Variants in CAPN12 observed in about 807,000 individuals in gnomAD.
CAPN12 encodes calpain 12, also known as calpain-12.
Under a neutral mutation model 95.0 loss-of-function variants are expected in CAPN12, and 107 were observed. That is an observed-to-expected ratio of 1.13 (90% CI 0.96 to 1.32). The LOEUF (loss-of-function observed/expected upper bound fraction) is 1.32. Ranked by LOEUF, CAPN12 falls within the 40% of genes most tolerant of loss-of-function variation. The probability of loss-of-function intolerance (pLI) is 0.00; values close to 1 mark genes in which losing one functional copy is unlikely to be tolerated. For missense variants in CAPN12, 1,136 were observed against 997.8 expected, an observed-to-expected ratio of 1.14 and a Z score of -1.87; for synonymous variants, 505 against 415.5, an observed-to-expected ratio of 1.22 and a Z score of -2.62.
In CAPN12 at chr19:38,730,883, G is replaced by A. The variant is rs1171292116; in HGVS notation, c.2134-5C>T. 6 of 1,551,476 alleles carry A rather than the reference G, an allele frequency of 3.9e-6. No individual in the cohort carries two copies. The Admixed American group carries it at 1.2e-4, about 30-fold the overall frequency. Reference sequence around the variant, plus strand: ...GAAGGTGGCCACCTCCATCCACTAAGGAAGAGAAGGAAGACAGTGGCTTGA... The same window carrying A: ...GAAGGTGGCCACCTCCATCCACTAAAGAAGAGAAGGAAGACAGTGGCTTGA... On this transcript the variant is annotated splice_polypyrimidine_tract_variant and splice_region_variant and intron_variant, in intron 20 of 20. Transcript: ENST00000328867.
Position 38,743,969 on chromosome 19 carries a change from T to C in CAPN12, c.197A>G (p.Asp66Gly), listed in dbSNP as rs571320003. The change falls in exon 1 of 21, where the codon GAC becomes GGC. Residue 66 changes from aspartate (D) to glycine (G), a missense_variant. By Grantham distance (94) the Asp-to-Gly change is moderately conservative. Transcript: ENST00000328867. ...TTTCACGCCTTTGGCCTTCTCCGAG[T>C]CCGGCCCCAGCTGGTCATAGCCAAG... ...DALGYDQLGPDSEKAKGVKWM... is the reference protein window; with the variant it reads ...DALGYDQLGPGSEKAKGVKWM... 7 of 1,614,124 alleles carry C rather than the reference T, an allele frequency of 4.3e-6. No homozygotes were observed. Among genetic ancestry groups the C allele is most frequent in the South Asian group, 3.3e-5 (3 of 91,076 alleles).
In CAPN12 at chr19:38,736,160, G is replaced by T. The variant is rs1427680211; in HGVS notation, c.1533C>A (p.Asp511Glu). 1.3e-6 allele frequency: 2 copies of T among 1,514,054 alleles called. No individual in the cohort carries two copies. The highest frequency in any genetic ancestry group is 2.7e-5 in the East Asian group (1 of 37,086). 93.8% of individuals were successfully genotyped at this position (1,514,054 alleles called of 1,614,324 possible). Residue 511 changes from aspartate to glutamate, a missense_variant, in exon 12 of 21, where the codon GAC becomes GAA. Asp to Glu is a conservative substitution (Grantham distance 45). Transcript: ENST00000328867. Reference protein sequence around the residue: ...LVVPSTAHAGDEADFTLRVFS... With the variant: ...LVVPSTAHAGEEADFTLRVFS... ...AGACACGCAGAGTGAAGTCAGCCTC[G>T]TCGCCGGCGTGGGCGGTGCTCGGCA...
chr19:38,740,672 T>G (rs1970493170), intron 4 of CAPN12, among the ~76,000 whole-genome samples: 1 of 151,896 alleles, frequency 6.6e-6, no homozygotes, highest in Admixed American at 6.6e-5. Context: ...TGGTGGCACA[T>G]GCCTGTAATC....
chr19:38,733,730 CGTA>C lies in CAPN12; in HGVS notation c.1927_1929del (p.Tyr643del). On this transcript the variant is annotated inframe_deletion, in exon 18 of 21. Coordinates refer to ENST00000328867, the MANE Select transcript of CAPN12 (RefSeq NM_144691.4). ...GCTGCATTCAGTGCCAGCCTCAGCT[CGTA>C]GGAGTTCATGGTTCCAGAGGTGTCC... The C allele has an allele frequency of 6.2e-7, 1 of 1,613,636 alleles. No homozygotes were observed. The highest frequency in any genetic ancestry group is 1.7e-5 in the Admixed American group (1 of 60,016).
rs374291113 is a variant in CAPN12 at position 38,743,965 on chromosome 19, C to A, written c.201G>T (p.Ser67=). 94 of 1,614,098 alleles carry A rather than the reference C, an allele frequency of 5.8e-5. 1 individual carries two copies. Among genetic ancestry groups the A allele is most frequent in the South Asian group, 4.4e-4 (40 of 91,090 alleles). ...TCCATTTCACGCCTTTGGCCTTCTC[C>A]GAGTCCGGCCCCAGCTGGTCATAGC... ...ALGYDQLGPD[S]EKAKGVKWMR... The change falls in exon 1 of 21, where the codon TCG becomes TCT. Residue 67 remains serine (S), a synonymous_variant. Transcript: ENST00000328867.
In CAPN12 at chr19:38,744,372, C is replaced by G. The variant is rs1970763897; in HGVS notation, c.-207G>C. 1.7e-6 allele frequency: 1 copy of G among 601,742 alleles called. No individual in the cohort carries two copies. The highest frequency in any genetic ancestry group is 1.9e-5 in the African/African-American group (1 of 54,006). The allele number at this position is 601,742 out of a possible 1,614,324, so 37.3% of individuals were successfully genotyped here. On this transcript the variant is annotated 5_prime_UTR_variant, in exon 1 of 21. Coordinates refer to ENST00000328867, the MANE Select transcript of CAPN12 (RefSeq NM_144691.4). The stretch of plus-strand genomic sequence containing the variant: ...CAGGGCGTGGGGCCTTCAGTTGTGG[C>G]CAAGGTAGCAGCTTAATGGGCTTGG...
intron 15 of CAPN12, 134 bp downstream of exon 15, chr19:38,734,679 G>A (rs988715219): frequency 2.5e-6 from 2 of 790,156 alleles, no homozygotes; most frequent in Admixed American, 2.8e-5. Flanking sequence ...GGGAGATGCT[G>A]CCAGGCTGAG....
In CAPN12 at chr19:38,731,114, G is replaced by T; in HGVS notation, c.2067C>A (p.Cys689Ter). 1 of 1,611,392 alleles carries T rather than the reference G, an allele frequency of 6.2e-7. No individual in the cohort carries two copies. The highest frequency in any genetic ancestry group is 8.5e-7 in the Non-Finnish European group (1 of 1,179,192). The change falls in exon 19 of 21, where the codon TGC becomes TGA. Residue 689 changes from cysteine to a stop codon, truncating the protein, a stop_gained. Coordinates refer to ENST00000328867, the MANE Select transcript of CAPN12 (RefSeq NM_144691.4). LOFTEE classifies it high-confidence loss of function. The part of the protein sequence containing the change: ...RFVSCVAHLT[C>*]IFCHCSQHLD... ...TGCCGGGGTGGTACTCACAGAAGAT[G>T]CAGGTGAGGTGGGCCACACAGGACA...
In CAPN12 at chr19:38,735,452, C is replaced by T. The variant is rs895579310; in HGVS notation, c.1627-23G>A. The T allele has an allele frequency of 4.3e-6, 7 of 1,610,696 alleles. No homozygotes were observed. In the African/African-American group the frequency reaches 6.7e-5, roughly 15 times the overall value. ...GCCCTGCCGCATGGCGGAAGTTTAGCGCTGGCCAAGATCCCCGCCCCATGC... is the reference window on the plus strand; with the variant it reads ...GCCCTGCCGCATGGCGGAAGTTTAGTGCTGGCCAAGATCCCCGCCCCATGC... On this transcript the variant is annotated intron_variant, in intron 13 of 20. Transcript: ENST00000328867.
At chr19:38,736,484 GCA>G in intron 11 of CAPN12, 66 bp downstream of exon 11, 1 of 502,024 alleles carries the variant, frequency 2.0e-6, no homozygotes, top group Non-Finnish European at 2.7e-6. Flanking sequence ...AAGCCCCAGG[GCA>G]GGTTGACCAA....
chr19:38,730,759 CAG>C lies in CAPN12; in HGVS notation c.*91_*92del, dbSNP rs952298370. Reference sequence around the variant, plus strand: ...AGACTAGCCCCAGACAGGTGGATGCCAGAGAGAGTGGCACCCATGCCAGGCAA... The same window carrying C: ...AGACTAGCCCCAGACAGGTGGATGCCAGAGAGTGGCACCCATGCCAGGCAA... On this transcript the variant is annotated 3_prime_UTR_variant, in exon 21 of 21. Coordinates refer to ENST00000328867, the MANE Select transcript of CAPN12 (RefSeq NM_144691.4). The C allele has an allele frequency of 1.0e-5, 15 of 1,482,714 alleles. 2 individuals carry two copies. The highest frequency in any genetic ancestry group is 3.5e-4 in the Middle Eastern group (2 of 5,676). The allele number at this position is 1,482,714 out of a possible 1,614,324, so 91.8% of individuals were successfully genotyped here.
rs376454010 is a variant in CAPN12, at chr19:38,735,414, G to A, written c.1642C>T (p.Leu548=). Residue 548 remains leucine, a synonymous_variant, in exon 14 of 21, where the codon CTG becomes TTG. Transcript: ENST00000328867. ...AACAGCTGCTCCAACCCCAGCTCCAGGGGCAGGTAGGGGCCCTGCCGCATG... is the reference window on the plus strand; with the variant it reads ...AACAGCTGCTCCAACCCCAGCTCCAAGGGCAGGTAGGGGCCCTGCCGCATG... ...LQSLQGPYLP[L]ELGLEQLFQE... 3.1e-5 allele frequency: 50 copies of A among 1,609,586 alleles called. No homozygotes were observed. The African/African-American group carries it at 5.9e-4, about 19-fold the overall frequency.
chr19:38,731,072 C>A, intron 19 of CAPN12, 35 bp downstream of exon 19: 13 of 1,573,392 alleles, frequency 8.3e-6, no homozygotes, highest in Non-Finnish European at 1.0e-5. Flanking sequence ...CGTACCCCTT[C>A]CCCCCATGCC....
At chr19:38,739,968 G>A (rs1970449633) in intron 5 of CAPN12, 83 bp downstream of exon 5, 2 of 1,368,308 alleles carry the variant, frequency 1.5e-6, no homozygotes, top group Non-Finnish European at 1.9e-6. Flanking sequence ...AGAGAACAGA[G>A]GAAGCACTCC....
At position 38,730,393 on chromosome 19, in the gene CAPN12, C is replaced by G. The variant is rs796177222; in HGVS notation, c.*459G>C. ...CCAGAGGTGGAGGTGGGCTGATGGC[C>G]TGGCTGCCTGGTGGTTGATGGTTTT... On this transcript the variant is annotated 3_prime_UTR_variant, in exon 21 of 21. Coordinates refer to ENST00000328867, the MANE Select transcript of CAPN12 (RefSeq NM_144691.4). 4.8e-5 allele frequency: 9 copies of G among 187,342 alleles called. No homozygotes were observed. Among genetic ancestry groups the G allele is most frequent in the African/African-American group, 1.9e-4 (8 of 41,986 alleles). The allele number at this position is 187,342 out of a possible 1,614,324, so 11.6% of individuals were successfully genotyped here.
rs570049345 is a variant in CAPN12 at position 38,730,370 on chromosome 19, A to AG, written c.*481dup. ...GGGCGTGGGTCTCTGGGGACCCTCC[A>AG]GAGGTGGAGGTGGGCTGATGGCCTG... is the stretch of plus-strand genomic sequence containing the variant. On this transcript the variant is annotated 3_prime_UTR_variant, in exon 21 of 21. Transcript: ENST00000328867. 2.0e-3 allele frequency: 369 copies of AG among 187,350 alleles called. 2 individuals are homozygous for AG. Among genetic ancestry groups the AG allele is most frequent in the African/African-American group, 8.4e-3 (350 of 41,886 alleles). The allele number at this position is 187,350 out of a possible 1,614,324, so 11.6% of individuals were successfully genotyped here. A position where few individuals can be genotyped will look rare whatever the true frequency, so the allele number is the denominator to read the frequency against.
At position 38,742,572 on chromosome 19, in the gene CAPN12, G is replaced by T; in HGVS notation, c.308-44C>A. Reference sequence around the variant, plus strand: ...ATTAGGTGAGGATGGAAGGAGGGAGGCCTGGTGCGGTGGCTCATGCCTCTA... The same window carrying T: ...ATTAGGTGAGGATGGAAGGAGGGAGTCCTGGTGCGGTGGCTCATGCCTCTA... On this transcript the variant is annotated intron_variant, in intron 2 of 20. Coordinates refer to ENST00000328867, the MANE Select transcript of CAPN12 (RefSeq NM_144691.4). The T allele has an allele frequency of 3.0e-6, 4 of 1,347,074 alleles. 1 individual carries two copies. In the South Asian group the frequency reaches 3.7e-5, roughly 13 times the overall value. 83.4% of individuals were successfully genotyped at this position (1,347,074 alleles called of 1,614,324 possible).
At chr19:38,742,850 C>CAAAAAAAAAAAAAAAAAAAA (rs11406594) in intron 2 of CAPN12, among the ~76,000 whole-genome samples, 183 bp downstream of exon 2, 3 of 53,292 alleles carry the variant, frequency 5.6e-5, no homozygotes, top group East Asian at 6.5e-4. Context: ...GACCCCATCT[C>CAAAAAAAAAAAAAAAAAAAA]AAAAAAAAAA....
In CAPN12 at chr19:38,734,386, C is replaced by T. The variant is rs1304204252; in HGVS notation, c.1748G>A (p.Arg583Lys). 4 of 1,588,452 alleles carry T rather than the reference C, an allele frequency of 2.5e-6. No homozygotes were observed. Among genetic ancestry groups the T allele is most frequent in the Admixed American group, 1.8e-5 (1 of 55,176 alleles). Residue 583 changes from arginine (R) to lysine (K), a missense_variant, in exon 16 of 21, where the codon AGG becomes AAG. Coordinates refer to ENST00000328867, the MANE Select transcript of CAPN12 (RefSeq NM_144691.4). ...CTCTCTGGGGGTGGAGGTATGGGCCCTGGCTACAGGAAAAACAAAGTCAAA... is the reference window on the plus strand; with the variant it reads ...CTCTCTGGGGGTGGAGGTATGGGCCTTGGCTACAGGAAAAACAAAGTCAAA... ...ALLSIALEPA[R>K]AHTSTPREIG... is the part of the protein sequence containing the mutation.
Sources: allele counts gnomAD v4.1 joint callset (sites outside exome capture counted in the v4.1 genomes callset), GRCh38; gene constraint gnomAD v4.1.1; transcripts MANE v1.5; gene names NCBI Gene and HGNC (gene_info 2026-07-23, HGNC 2026-07-21).